Variants in AARSD1 observed in about 807,000 individuals in gnomAD.
AARSD1 encodes alanyl-tRNA editing protein Aarsd1.
AARSD1 carries 44 observed loss-of-function variants against 48.7 expected under a neutral mutation model. That is an observed-to-expected ratio of 0.90 (90% confidence interval 0.71 to 1.16). The LOEUF is 1.16. Ranked by LOEUF, AARSD1 falls within the 50% of genes most tolerant of loss-of-function variation. AARSD1 has a pLI of 0.00. For missense variants in AARSD1, 511 were observed against 523.1 expected, an observed-to-expected ratio of 0.98 and a Z score of 0.23; for synonymous variants, 189 against 194.9, an observed-to-expected ratio of 0.97 and a Z score of 0.25.
Position 42,950,735 on chromosome 17 carries a change from AAC to A in AARSD1, c.1104-9_1104-8del, listed in dbSNP as rs2049468790. 24 of 1,612,244 alleles carry A rather than the reference AAC, an allele frequency of 1.5e-5. No individual in the cohort carries two copies. The highest frequency in any genetic ancestry group is 1.5e-4 in the African/African-American group (11 of 74,926). On this transcript the variant is annotated splice_polypyrimidine_tract_variant and splice_region_variant and intron_variant, in intron 11 of 11. Transcript: ENST00000427569. ...TTCCAGGACCTCAGCCACCCTGGGG[AAC>A]AGAGGTATAGTCAGGGAGACTTTGA...
At chr17:42,957,349 T>G in intron 3 of AARSD1, 154 bp from the exon 4 acceptor site, 1 of 909,794 alleles carries the variant, frequency 1.1e-6, no homozygotes, top group East Asian at 2.8e-5. Context: ...TTATTGAAAA[T>G]CACAATGAGA....
At position 42,960,956 on chromosome 17, in the gene AARSD1, G is replaced by C. The variant is rs565222209; in HGVS notation, c.331+236C>G. The C allele has an allele frequency of 4.8e-5, 27 of 557,768 alleles. No homozygotes were observed. In the East Asian group the frequency reaches 9.6e-4, roughly 20 times the overall value. The allele number at this position is 557,768 out of a possible 1,614,324, so 34.6% of individuals were successfully genotyped here. A position where few individuals can be genotyped will look rare whatever the true frequency, so the allele number is the denominator to read the frequency against. On this transcript the variant is annotated intron_variant, in intron 3 of 11. Coordinates refer to ENST00000427569, the MANE Select transcript of AARSD1 (RefSeq NM_001261434.2). Reference sequence around the variant, plus strand: ...TGTGAGACATCCAGATGGAGATATCGAGTGGGAAGTTGATAATACCTAAAT... The same window carrying C: ...TGTGAGACATCCAGATGGAGATATCCAGTGGGAAGTTGATAATACCTAAAT...
chr17:42,964,265 C>T, intron 1 of AARSD1, 28 bp from the exon 2 acceptor site: 1 of 1,479,876 alleles, frequency 6.8e-7, no homozygotes. Flanking sequence ...AGAGAATAAG[C>T]CCCGACCCCA....
chr17:42,955,837 C>T lies in AARSD1; in HGVS notation c.794+5G>A, dbSNP rs766512067. On this transcript the variant is annotated splice_donor_5th_base_variant and intron_variant, in intron 7 of 11. Transcript: ENST00000427569. ...AGGTAATCGAAGGTACTGAAACAGGCATACTTAAGCAGAGCAGTCAGTGCT... is the reference window on the plus strand; with the variant it reads ...AGGTAATCGAAGGTACTGAAACAGGTATACTTAAGCAGAGCAGTCAGTGCT... 1.2e-5 allele frequency: 20 copies of T among 1,613,942 alleles called. No homozygotes were observed. In the East Asian group the frequency reaches 4.0e-4, roughly 32 times the overall value.
intron 3 of AARSD1, chr17:42,957,445 C>A: frequency 2.7e-5 from 6 of 224,082 alleles, no homozygotes; most frequent in East Asian, 9.1e-5. Flanking sequence ...GGCAATGTAA[C>A]TTATAAGGGG....
intron 10 of AARSD1, among the ~76,000 whole-genome samples, chr17:42,952,819 CTTTTT>C (rs111718176): frequency 7.2e-6 from 1 of 138,488 alleles, no homozygotes. Context: ...CCTGTATTTA[CTTTTT>C]TTTTTTTTTT....
chr17:42,954,908 A>G lies in AARSD1; in HGVS notation c.921T>C (p.Ser307=). Reference sequence around the variant, plus strand: ...ATATGACCACACCTCCCCAGTCTGGACTGTTCCTGAGGCTATGGGCAATGT... The same window carrying G: ...ATATGACCACACCTCCCCAGTCTGGGCTGTTCCTGAGGCTATGGGCAATGT... ...AVHIAHSLRN[S]PDWGGVVILH... Residue 307 remains serine (S), a synonymous_variant, in exon 9 of 12, where the codon AGT becomes AGC. Transcript: ENST00000427569. 1 of 1,614,114 alleles carries G rather than the reference A, an allele frequency of 6.2e-7. No individual in the cohort carries two copies. The highest frequency in any genetic ancestry group is 8.5e-7 in the Non-Finnish European group (1 of 1,180,018).
At chr17:42,952,097 T>C (rs1328440178) in intron 10 of AARSD1, 1 of 551,726 alleles carries the variant, frequency 1.8e-6, no homozygotes, top group African/African-American at 1.9e-5. Context: ...GGAACTTAGG[T>C]GAAACATTAA....
At chr17:42,954,119 C>CA in intron 9 of AARSD1, 1 of 220,846 alleles carries the variant, frequency 4.5e-6, no homozygotes, top group Non-Finnish European at 9.2e-6. Flanking sequence ...TTTGGGAGGC[C>CA]AAGGTGGGCA....
chr17:42,959,581 T>C (rs1027423611), intron 3 of AARSD1, among the ~76,000 whole-genome samples: 3 of 151,922 alleles, frequency 2.0e-5, no homozygotes, highest in African/African-American at 7.3e-5. Context: ...TGGTATGGAA[T>C]TCCTAGCCTC....
rs2049510562 is a variant in AARSD1, at chr17:42,953,800, T to C, written c.954-22A>G. ...CTTCCTACAACAAAGGACACAGACA[T>C]GAGACCCAGGTTGGAGTGGTGGCTG... On this transcript the variant is annotated intron_variant, in intron 9 of 11. Coordinates refer to ENST00000427569, the MANE Select transcript of AARSD1 (RefSeq NM_001261434.2). The C allele has an allele frequency of 5.0e-6, 8 of 1,613,494 alleles. No homozygotes were observed. In the East Asian group the frequency reaches 1.6e-4, roughly 31 times the overall value.
Position 42,961,343 on chromosome 17 carries a change from G to A in AARSD1, c.180C>T (p.Asp60=). ...LFPEGGGQPD[D]RGTINDISVL... ...CAGAGATGTCATTGATTGTACCACGGTCATCAGGCTGGTGGAAATAAGTAA... is the reference window on the plus strand; with the variant it reads ...CAGAGATGTCATTGATTGTACCACGATCATCAGGCTGGTGGAAATAAGTAA... Residue 60 remains aspartate (D), a synonymous_variant, in exon 3 of 12, where the codon GAC becomes GAT. Transcript: ENST00000427569. The A allele has an allele frequency of 6.2e-7, 1 of 1,614,096 alleles. No individual in the cohort carries two copies. Among genetic ancestry groups the A allele is most frequent in the Non-Finnish European group, 8.5e-7 (1 of 1,180,002 alleles).
In AARSD1 at chr17:42,954,864, C is replaced by T. The variant is rs963759052; in HGVS notation, c.953+12G>A. On this transcript the variant is annotated intron_variant, in intron 9 of 11. Coordinates refer to ENST00000427569, the MANE Select transcript of AARSD1 (RefSeq NM_001261434.2). ...AGTTCCCCTTCCTTGTGTCCAGCTC[C>T]TAATTTCTCACCTGTGTAATATGAC... The T allele has an allele frequency of 3.1e-6, 5 of 1,613,804 alleles. No homozygotes were observed. The African/African-American group carries it at 6.7e-5, about 22-fold the overall frequency.
At chr17:42,961,054 C>T in intron 3 of AARSD1, 138 bp downstream of exon 3, 2 of 1,373,860 alleles carry the variant, frequency 1.5e-6, no homozygotes, top group Non-Finnish European at 1.9e-6. Context: ...GATATCCTTC[C>T]TGAATTACAG....
In AARSD1 at chr17:42,957,172, C is replaced by A; in HGVS notation, c.355G>T (p.Ala119Ser). 6.2e-7 allele frequency: 1 copy of A among 1,613,670 alleles called. No homozygotes were observed. The highest frequency in any genetic ancestry group is 8.5e-7 in the Non-Finnish European group (1 of 1,179,894). Residue 119 changes from alanine (A) to serine (S), a missense_variant, in exon 4 of 12, where the codon GCT (alanine) becomes TCT (serine). Ala to Ser is a moderately conservative substitution (Grantham distance 99). Coordinates refer to ENST00000427569, the MANE Select transcript of AARSD1 (RefSeq NM_001261434.2). ...GTCTTCAGCTTAAATAGATGGTCAG[C>A]AACTGCCGTGATGAGATGCTGCCCT... ...HSGQHLITAV[A>S]DHLFKLKTTS... is the part of the protein sequence containing the mutation.
Position 42,954,953 on chromosome 17 carries a change from C to A in AARSD1, c.876G>T (p.Leu292=), listed in dbSNP as rs1489006389. Residue 292 remains leucine, a synonymous_variant, in exon 9 of 12, where the codon CTG becomes CTT. Coordinates refer to ENST00000427569, the MANE Select transcript of AARSD1 (RefSeq NM_001261434.2). The stretch of plus-strand genomic sequence containing the variant: ...CAATGTGCACAGCCAGGTCTCTGAG[C>A]AGATTCAGGTTATTCTGAAATGGAT... ...TKILQKNNLN[L]LRDLAVHIAH... is the part of the protein sequence containing the mutation. The A allele has an allele frequency of 1.2e-6, 2 of 1,614,046 alleles. No individual in the cohort carries two copies. Among genetic ancestry groups the A allele is most frequent in the Non-Finnish European group, 1.7e-6 (2 of 1,180,034 alleles).
rs766774474 is a variant in AARSD1, at chr17:42,961,219, T to C, written c.304A>G (p.Arg102Gly). The change falls in exon 3 of 12, where the codon AGG (arginine) becomes GGG (glycine). Residue 102 changes from arginine (R) to glycine (G), a missense_variant. Coordinates refer to ENST00000427569, the MANE Select transcript of AARSD1 (RefSeq NM_001261434.2). ...QVLVRVDWER[R>G]FDHMQQHSGQ... ...GAATGCTGCTGCATGTGGTCAAACC[T>C]CCGCTCCCAATCTACCCGGACCAGA... 4.3e-6 allele frequency: 7 copies of C among 1,613,516 alleles called. No homozygotes were observed. The African/African-American group carries it at 9.3e-5, about 22-fold the overall frequency.
rs769044705 is a variant in AARSD1, at chr17:42,961,250, G to A, written c.273C>T (p.Ser91=). Residue 91 remains serine, a synonymous_variant, in exon 3 of 12, where the codon AGC becomes AGT. Transcript: ENST00000427569. ...CCCAATCTACCCGGACCAGAACCTG[G>A]CTTCCTGGATCCAGGGGTGTCTGGG... ...HFTQTPLDPG[S]QVLVRVDWER... 2 of 1,614,006 alleles carry A rather than the reference G, an allele frequency of 1.2e-6. No homozygotes were observed. The highest frequency in any genetic ancestry group is 2.7e-5 in the African/African-American group (2 of 74,928).
chr17:42,957,326 C>A, intron 3 of AARSD1, 131 bp from the exon 4 acceptor site: 1 of 1,087,984 alleles, frequency 9.2e-7, no homozygotes, highest in South Asian at 1.6e-5. Flanking sequence ...CTGGGTAATA[C>A]ACTTTAGATA....
Sources: gnomAD v4.1 joint callset for allele counts (sites outside exome capture counted in the v4.1 genomes callset) on GRCh38, gnomAD v4.1.1 for gene constraint, MANE v1.5 for transcripts, NCBI Gene and HGNC (gene_info 2026-07-23, HGNC 2026-07-21) for gene names.